The following WRNIP1 variants were observed in gnomAD, a reference collection of about 807,000 sequenced individuals.
WRNIP1 encodes ATPase WRNIP1.
WRNIP1 carries 41 observed loss-of-function variants against 56.1 expected under a neutral mutation model. The ratio of observed to expected loss-of-function variants is 0.73; its 90% CI spans 0.57 to 0.95. The LOEUF (loss-of-function observed/expected upper bound fraction) is 0.95. Ranked by LOEUF, WRNIP1 falls within the 40% of genes least tolerant of loss-of-function variation. The probability of loss-of-function intolerance (pLI) is 0.00; values close to 1 mark genes in which losing one functional copy is unlikely to be tolerated. For missense variants in WRNIP1, 1,170 were observed against 939.4 expected (o/e 1.25, Z -3.21); for synonymous variants, 547 against 398.1 (o/e 1.37, Z -4.45).
chr6:2,766,857 G>A (rs1765028411), intron 1 of WRNIP1, among the ~76,000 whole-genome samples: 1 of 149,892 alleles, frequency 6.7e-6, no homozygotes. Context: ...ACATAATAAC[G>A]GATTCAGCTT....
Position 2,785,624 on chromosome 6 carries a change from A to G in WRNIP1, c.*342A>G. 3.9e-6 allele frequency: 1 copy of G among 254,244 alleles called. No homozygotes were observed. Among genetic ancestry groups the G allele is most frequent in the South Asian group, 6.9e-5 (1 of 14,438 alleles). The allele number at this position is 254,244 out of a possible 1,614,324, so 15.7% of individuals were successfully genotyped here. A position where few individuals can be genotyped will look rare whatever the true frequency, so the allele number is the denominator to read the frequency against. On this transcript the variant is annotated 3_prime_UTR_variant, in exon 7 of 7. Transcript: ENST00000380773. ...TGTAGGATTTTCTTTTCTTTAAAAA[A>G]TGTATATTCTGGGTAGTTTTAATTG...
intron 3 of WRNIP1, among the ~76,000 whole-genome samples, chr6:2,771,729 C>T (rs1765284631): frequency 6.6e-6 from 1 of 152,178 alleles, no homozygotes; most frequent in African/African-American, 2.4e-5. Flanking sequence ...ATTCAGACCA[C>T]TTCTGGTCCC....
chr6:2,772,893 G>A (rs1422917778), intron 3 of WRNIP1: 2 of 877,846 alleles, frequency 2.3e-6, no homozygotes, highest in Non-Finnish European at 2.7e-6. Flanking sequence ...TAATCTAGTT[G>A]AAAGAAAAGA....
At chr6:2,769,107 G>C (rs1765167549) in intron 2 of WRNIP1, among the ~76,000 whole-genome samples, 1 of 152,112 alleles carries the variant, frequency 6.6e-6, no homozygotes, top group African/African-American at 2.4e-5. Context: ...GCATATCCCT[G>C]AGCTATACGT....
chr6:2,768,945 A>G (rs779045693), intron 2 of WRNIP1, 63 bp downstream of exon 2: 35 of 1,488,158 alleles, frequency 2.4e-5, no homozygotes, highest in Non-Finnish European at 3.2e-5. Flanking sequence ...AGTGTGTGAG[A>G]TCACTATACA....
rs1257212537 is a variant in WRNIP1 at position 2,786,030 on chromosome 6, G to A, written c.*748G>A. On this transcript the variant is annotated 3_prime_UTR_variant, in exon 7 of 7. Transcript: ENST00000380773. ...TGCAGCTCCATATTTCTAAACAGTC[G>A]TTTTTCTTTTACTTTATGTGTGTCC... The A allele has an allele frequency of 1.3e-5, 2 of 152,012 alleles. No individual in the cohort carries two copies. Among genetic ancestry groups the A allele is most frequent in the Non-Finnish European group, 2.9e-5 (2 of 67,938 alleles). The allele number at this position is 152,012 out of a possible 1,614,324, so 9.4% of individuals were successfully genotyped here.
At chr6:2,771,876 T>G (rs1174727799) in intron 3 of WRNIP1, among the ~76,000 whole-genome samples, 1 of 152,196 alleles carries the variant, frequency 6.6e-6, no homozygotes, top group East Asian at 1.9e-4. Flanking sequence ...TTCTGTGTGT[T>G]CTTTGCTCTG....
rs547151053 is a variant in WRNIP1, at chr6:2,774,031, T to G, written c.1256+3670T>G. ...ATGGATTCTTCTTTTTATAAAAGTT[T>G]AAAGTGTCTTAAATAACCTTTTGTG... On this transcript the variant is annotated intron_variant, in intron 3 of 6. Coordinates refer to ENST00000380773, the MANE Select transcript of WRNIP1 (RefSeq NM_020135.3). The G allele has an allele frequency of 1.5e-5, 15 of 985,418 alleles. No individual in the cohort carries two copies. The South Asian group carries it at 5.2e-4, about 34-fold the overall frequency. 61.0% of individuals were successfully genotyped at this position (985,418 alleles called of 1,614,324 possible). A position where few individuals can be genotyped will look rare whatever the true frequency, so the allele number is the denominator to read the frequency against.
At position 2,765,733 on chromosome 6, in the gene WRNIP1, C is replaced by T. The variant is rs369449443; in HGVS notation, c.111C>T (p.Asp37=). The T allele has an allele frequency of 1.1e-4, 163 of 1,528,614 alleles. No individual in the cohort carries two copies. In the African/African-American group the frequency reaches 2.1e-3, roughly 19 times the overall value. The allele number at this position is 1,528,614 out of a possible 1,614,324, so 94.7% of individuals were successfully genotyped here. A position where few individuals can be genotyped will look rare whatever the true frequency, so the allele number is the denominator to read the frequency against. The part of the protein sequence containing the change: ...MPAAHINSHL[D]RCLLLHPAGH... ...CCGCGCACATCAACTCGCACCTGGA[C>T]CGCTGTCTGCTGCTCCACCCGGCGG... The change falls in exon 1 of 7, where the codon GAC becomes GAT. Residue 37 remains aspartate, a synonymous_variant. Coordinates refer to ENST00000380773, the MANE Select transcript of WRNIP1 (RefSeq NM_020135.3).
chr6:2,765,763 C>T lies in WRNIP1; in HGVS notation c.141C>T (p.His47=), dbSNP rs1764921208. 6.8e-7 allele frequency: 1 copy of T among 1,473,212 alleles called. No homozygotes were observed. Among genetic ancestry groups the T allele is most frequent in the African/African-American group, 1.5e-5 (1 of 68,784 alleles). The allele number at this position is 1,473,212 out of a possible 1,614,324, so 91.3% of individuals were successfully genotyped here. Residue 47 remains histidine (H), a synonymous_variant, in exon 1 of 7, where the codon CAC becomes CAT. Coordinates refer to ENST00000380773, the MANE Select transcript of WRNIP1 (RefSeq NM_020135.3). ...DRCLLLHPAG[H]AEPAAGSHRA... Reference sequence around the variant, plus strand: ...GTCTGCTGCTCCACCCGGCGGGGCACGCGGAGCCCGCGGCCGGGTCGCACC... The same window carrying T: ...GTCTGCTGCTCCACCCGGCGGGGCATGCGGAGCCCGCGGCCGGGTCGCACC...
In WRNIP1 at chr6:2,773,337, C is replaced by A. The variant is rs558867774; in HGVS notation, c.1256+2976C>A. 5 of 985,416 alleles carry A rather than the reference C, an allele frequency of 5.1e-6. No homozygotes were observed. The South Asian group carries it at 2.3e-4, about 46-fold the overall frequency. 61.0% of individuals were successfully genotyped at this position (985,416 alleles called of 1,614,324 possible). On this transcript the variant is annotated intron_variant, in intron 3 of 6. Transcript: ENST00000380773. ...TAGGGGAGCAGGTCCACTTCCAGTG[C>A]CACGCTTATACGCCAAGTGCAGTGG... is the stretch of plus-strand genomic sequence containing the variant.
chr6:2,766,109 CAGG>C lies in WRNIP1; in HGVS notation c.500_502del (p.Glu167del), dbSNP rs777315318. The C allele has an allele frequency of 1.2e-4, 153 of 1,317,234 alleles. No individual in the cohort carries two copies. The highest frequency in any genetic ancestry group is 5.9e-4 in the South Asian group (27 of 45,382). The allele number at this position is 1,317,234 out of a possible 1,614,324, so 81.6% of individuals were successfully genotyped here. On this transcript the variant is annotated inframe_deletion, in exon 1 of 7. Transcript: ENST00000380773. Reference sequence around the variant, plus strand: ...GCGCAGCTGGGACGAGGCGGAGGCGCAGGAGGAGGAGGAGGCCGTGGGCGACGG... The same window carrying C: ...GCGCAGCTGGGACGAGGCGGAGGCGCAGGAGGAGGAGGCCGTGGGCGACGG...
chr6:2,781,835 C>A (rs1486999236), intron 4 of WRNIP1, among the ~76,000 whole-genome samples: 4 of 152,326 alleles, frequency 2.6e-5, no homozygotes, highest in Admixed American at 2.6e-4. Context: ...TAATACAGCC[C>A]TGTGAGGTAA....
chr6:2,781,032 G>A (rs1765545834), intron 4 of WRNIP1, among the ~76,000 whole-genome samples: 1 of 152,188 alleles, frequency 6.6e-6, no homozygotes, highest in South Asian at 2.1e-4. Flanking sequence ...GTAAATCCAG[G>A]TCTTACTGGT....
In WRNIP1 at chr6:2,768,706, A is replaced by T; in HGVS notation, c.838A>T (p.Ile280Phe). 1 of 1,611,746 alleles carries T rather than the reference A, an allele frequency of 6.2e-7. No homozygotes were observed. Among genetic ancestry groups the T allele is most frequent in the Admixed American group, 1.7e-5 (1 of 59,734 alleles). ...TCTTTTCTAGACCACTCTGGCTCAC[A>T]TCATAGCCAGCAACAGCAAGAAACA... ...PGCGKTTLAH[I>F]IASNSKKHSI... The change falls in exon 2 of 7, where the codon ATC becomes TTC. Residue 280 changes from isoleucine (I) to phenylalanine (F), a missense_variant. By Grantham distance (21) the Ile-to-Phe change is conservative. Transcript: ENST00000380773.
In WRNIP1 at chr6:2,785,366, C is replaced by G; in HGVS notation, c.*84C>G. On this transcript the variant is annotated 3_prime_UTR_variant, in exon 7 of 7. Coordinates refer to ENST00000380773, the MANE Select transcript of WRNIP1 (RefSeq NM_020135.3). ...GTTAGTGGATTGCAAAGTTGGTTGC[C>G]TGGTGGAAGTTAGAACAGACCAACA... 6.6e-7 allele frequency: 1 copy of G among 1,519,620 alleles called. No individual in the cohort carries two copies. The highest frequency in any genetic ancestry group is 8.9e-7 in the Non-Finnish European group (1 of 1,125,564). 94.1% of individuals were successfully genotyped at this position (1,519,620 alleles called of 1,614,324 possible).
intron 1 of WRNIP1, among the ~76,000 whole-genome samples, chr6:2,768,488 T>C (rs187297624): frequency 1.2e-3 from 188 of 152,364 alleles, no homozygotes; most frequent in African/African-American, 4.4e-3. Flanking sequence ...GTTTAGCTAC[T>C]TTCCTGTTTT....
In WRNIP1 at chr6:2,765,528, C is replaced by T. The variant is rs1401076029; in HGVS notation, c.-95C>T. 4 of 1,303,726 alleles carry T rather than the reference C, an allele frequency of 3.1e-6. No homozygotes were observed. Among genetic ancestry groups the T allele is most frequent in the East Asian group, 6.6e-5 (2 of 30,088 alleles). The allele number at this position is 1,303,726 out of a possible 1,614,324, so 80.8% of individuals were successfully genotyped here. A position where few individuals can be genotyped will look rare whatever the true frequency, so the allele number is the denominator to read the frequency against. ...TCCTGCTGGTTCCCCGAGCGAGGGTCTCGCGGCGCGGGGCCTAGCGGAGGG... is the reference window on the plus strand; with the variant it reads ...TCCTGCTGGTTCCCCGAGCGAGGGTTTCGCGGCGCGGGGCCTAGCGGAGGG... On this transcript the variant is annotated 5_prime_UTR_variant, in exon 1 of 7. Coordinates refer to ENST00000380773, the MANE Select transcript of WRNIP1 (RefSeq NM_020135.3).
At chr6:2,776,957 CTTGT>C (rs1479039965) in intron 3 of WRNIP1, among the ~76,000 whole-genome samples, 2 of 152,090 alleles carry the variant, frequency 1.3e-5, no homozygotes, top group African/African-American at 4.8e-5. Flanking sequence ...GTCTGAGTAG[CTTGT>C]TTTTCAAACA....
Sources: allele counts gnomAD v4.1 joint callset (sites outside exome capture counted in the v4.1 genomes callset), GRCh38; gene constraint gnomAD v4.1.1; transcripts MANE v1.5; gene names NCBI Gene and HGNC (gene_info 2026-07-23, HGNC 2026-07-21).